BRINP3: variants seen among roughly 807,000 people sequenced by gnomAD.
BRINP3 encodes the protein BMP/retinoic acid inducible neural specific 3, also known as BMP/retinoic acid-inducible neural-specific protein 3.
BRINP3 carries 19 observed loss-of-function variants against 71.0 expected under a neutral mutation model. That is an observed-to-expected ratio of 0.27 (90% CI 0.19 to 0.39). BRINP3 has a LOEUF of 0.39. Ranked by LOEUF, BRINP3 falls within the 10% of genes least tolerant of loss-of-function variation. The pLI is 1.00. For synonymous variants in BRINP3, 380 were observed against 337.7 expected (o/e 1.13, Z -1.37); for missense variants, 959 against 940.8 (o/e 1.02, Z -0.25).
At chr1:190,228,699 A>G (rs1332365809) in intron 5 of BRINP3, among the ~76,000 whole-genome samples, 1 of 151,932 alleles carries the variant, frequency 6.6e-6, no homozygotes, top group African/African-American at 2.4e-5. Context: ...TTATAACCAG[A>G]CCACCGATAA....
At chr1:190,447,195 A>T (rs1290950867) in intron 2 of BRINP3, among the ~76,000 whole-genome samples, 1 of 151,156 alleles carries the variant, frequency 6.6e-6, no homozygotes, top group Admixed American at 6.6e-5. Flanking sequence ...CACTAATTAC[A>T]TAATGAAAAT....
chr1:190,401,568 C>T (rs1395019258), intron 2 of BRINP3, among the ~76,000 whole-genome samples: 1 of 151,844 alleles, frequency 6.6e-6, no homozygotes, highest in Non-Finnish European at 1.5e-5. Context: ...CAAATTCTTG[C>T]CACATTGCAG....
At chr1:190,225,111 T>A (rs2102698326) in intron 6 of BRINP3, among the ~76,000 whole-genome samples, 1 of 152,002 alleles carries the variant, frequency 6.6e-6, no homozygotes, top group East Asian at 1.9e-4. Context: ...ATATTATTAA[T>A]CTCACTACTG....
At chr1:190,424,366 A>G (rs1673567934) in intron 2 of BRINP3, among the ~76,000 whole-genome samples, 1 of 151,732 alleles carries the variant, frequency 6.6e-6, no homozygotes, top group African/African-American at 2.4e-5. Context: ...AGAGATGTCA[A>G]GTCTCAGAAA....
At position 190,182,498 on chromosome 1, in the gene BRINP3, C is replaced by T. The variant is rs569550972; in HGVS notation, c.962-21608G>A. Among the ~76,000 whole-genome samples, 4 of 152,120 alleles carry T rather than the reference C, an allele frequency of 2.6e-5. No homozygotes were observed. In the South Asian group the frequency reaches 8.3e-4, roughly 32 times the overall value. ...CTTATCCTTTGTTCTGTTTTAGTTA[C>T]AATTTTTACTTTTACCATCTCAATT... On this transcript the variant is annotated intron_variant, in intron 6 of 7. Transcript: ENST00000367462.
intron 2 of BRINP3, among the ~76,000 whole-genome samples, chr1:190,419,690 T>TACACACACACACACACAC (rs5779528): frequency 4.0e-4 from 60 of 148,456 alleles, no homozygotes; most frequent in African/African-American, 1.5e-3. Context: ...TATACATTTA[T>TACACACACACACACACAC]ACACACACAC....
intron 4 of BRINP3, among the ~76,000 whole-genome samples, chr1:190,252,229 A>G (rs1660212796): frequency 6.6e-6 from 1 of 152,062 alleles, no homozygotes. Context: ...TTTCAAAATG[A>G]GAGAGATTCT....
At chr1:190,435,196 T>C (rs1328932234) in intron 2 of BRINP3, among the ~76,000 whole-genome samples, 4 of 152,172 alleles carry the variant, frequency 2.6e-5, no homozygotes. Flanking sequence ...CCATTTTAAA[T>C]CTCTATCCTC....
At chr1:190,239,642 TA>T (rs1241035497) in intron 4 of BRINP3, among the ~76,000 whole-genome samples, 1 of 152,136 alleles carries the variant, frequency 6.6e-6, no homozygotes, top group African/African-American at 2.4e-5. Flanking sequence ...TATATGTTAC[TA>T]ATATTTGCTA....
At chr1:190,442,970 T>C (rs1369735286) in intron 2 of BRINP3, among the ~76,000 whole-genome samples, 1 of 146,816 alleles carries the variant, frequency 6.8e-6, no homozygotes, top group African/African-American at 2.5e-5. Flanking sequence ...TGGAGTGCAA[T>C]GGCACAATCT....
intron 5 of BRINP3, among the ~76,000 whole-genome samples, chr1:190,230,902 C>G (rs189261354): frequency 1.1e-3 from 166 of 151,412 alleles, no homozygotes; most frequent in African/African-American, 3.0e-3. Context: ...TAATCACAGT[C>G]ATACTTATCT....
rs200850507 is a variant in BRINP3 at position 190,331,759 on chromosome 1, A to C, written c.237-50009T>G. Reference sequence around the variant, plus strand: ...CCTACACAGTTCCAATGCATAGGTAAGAATTAACTCATACTTATATTTGAA... The same window carrying C: ...CCTACACAGTTCCAATGCATAGGTACGAATTAACTCATACTTATATTTGAA... On this transcript the variant is annotated intron_variant, in intron 2 of 7. Transcript: ENST00000367462. Among the ~76,000 whole-genome samples, 831 of 114,716 alleles carry C rather than the reference A, an allele frequency of 7.2e-3. 5 individuals are homozygous for C. Among genetic ancestry groups the C allele is most frequent in the African/African-American group, 0.028 (761 of 27,212 alleles). 75.3% of individuals were successfully genotyped at this position (114,716 alleles called of 152,430 possible).
intron 7 of BRINP3, among the ~76,000 whole-genome samples, chr1:190,112,796 A>G (rs1375860343): frequency 6.6e-6 from 1 of 152,140 alleles, no homozygotes; most frequent in Non-Finnish European, 1.5e-5. Context: ...ATTGACACAT[A>G]TATCAATGCC....
chr1:190,240,089 T>A (rs571272379), intron 4 of BRINP3, among the ~76,000 whole-genome samples: 1 of 151,894 alleles, frequency 6.6e-6, no homozygotes, highest in African/African-American at 2.4e-5. Flanking sequence ...GACTAGGAAC[T>A]AACTTGACTA....
At chr1:190,424,333 T>C (rs1008506375) in intron 2 of BRINP3, among the ~76,000 whole-genome samples, 1 of 151,610 alleles carries the variant, frequency 6.6e-6, no homozygotes, top group African/African-American at 2.4e-5. Context: ...TATTGCCCCT[T>C]TGTTGCCCCT....
rs115676064 is a variant in BRINP3, at chr1:190,198,829, C to T, written c.961+27253G>A. 8.7e-3 allele frequency among the ~76,000 whole-genome samples: 1,329 copies of T among 152,294 alleles called. 20 individuals carry two copies. Among genetic ancestry groups the T allele is most frequent in the African/African-American group, 0.031 (1,270 of 41,568 alleles). ...TATACCTTCCTGTCTTTTGATCCCT[C>T]CAAACTCTTCCAACTTCTCCCTGTT... On this transcript the variant is annotated intron_variant, in intron 6 of 7. Coordinates refer to ENST00000367462, the MANE Select transcript of BRINP3 (RefSeq NM_199051.3).
intron 7 of BRINP3, among the ~76,000 whole-genome samples, chr1:190,136,020 G>C (rs1654945245): frequency 6.6e-6 from 1 of 151,900 alleles, no homozygotes; most frequent in Admixed American, 6.6e-5. Flanking sequence ...AGACAATTAT[G>C]ACTAAGGTGT....
At chr1:190,154,980 A>C (rs78590847) in intron 7 of BRINP3, among the ~76,000 whole-genome samples, 1 of 152,172 alleles carries the variant, frequency 6.6e-6, no homozygotes, top group Non-Finnish European at 1.5e-5. Context: ...ACAATAAAGC[A>C]TTCAAGTGAA....
At chr1:190,301,175 A>G (rs554372469) in intron 2 of BRINP3, among the ~76,000 whole-genome samples, 2,125 of 55,740 alleles carry the variant, frequency 0.038, 108 homozygotes, top group African/African-American at 0.11. Flanking sequence ...ACATATATAT[A>G]CATATATATA....
Sources: gnomAD v4.1 joint callset for allele counts (sites outside exome capture counted in the v4.1 genomes callset) on GRCh38, gnomAD v4.1.1 for gene constraint, MANE v1.5 for transcripts, NCBI Gene and HGNC (gene_info 2026-07-23, HGNC 2026-07-21) for gene names.